The following PRR5L variants were observed in gnomAD, a reference collection of about 807,000 sequenced individuals.
PRR5L encodes the protein proline-rich protein 5-like.
PRR5L carries 21 observed loss-of-function variants against 36.4 expected under a neutral mutation model. The ratio of observed to expected loss-of-function variants is 0.58; its 90% CI spans 0.41 to 0.83. The LOEUF is 0.83. Ranked by LOEUF, PRR5L falls within the 40% of genes least tolerant of loss-of-function variation. The pLI is 0.00. For missense variants in PRR5L, 381 were observed against 473.3 expected (o/e 0.80, Z 1.81); for synonymous variants, 188 against 197.0 (o/e 0.95, Z 0.38).
chr11:36,412,781 A>G (rs1317142459), intron 3 of PRR5L, among the ~76,000 whole-genome samples: 1 of 152,166 alleles, frequency 6.6e-6, no homozygotes, highest in African/African-American at 2.4e-5. Flanking sequence ...CCTGTGCCCT[A>G]TAAGAGAGTG....
At chr11:36,350,960 ATT>A (rs1565406483) in intron 1 of PRR5L, among the ~76,000 whole-genome samples, 3 of 91,628 alleles carry the variant, frequency 3.3e-5, no homozygotes, top group African/African-American at 1.6e-4. Flanking sequence ...ATTTATATAT[ATT>A]TATATATTTA....
At chr11:36,446,789 C>T (rs1189274876) in intron 7 of PRR5L, among the ~76,000 whole-genome samples, 1 of 152,148 alleles carries the variant, frequency 6.6e-6, no homozygotes, top group Non-Finnish European at 1.5e-5. Flanking sequence ...CTAGCTTAAG[C>T]AGATGAGGAA....
chr11:36,325,280 T>C (rs1170728858), intron 1 of PRR5L, among the ~76,000 whole-genome samples: 1 of 152,208 alleles, frequency 6.6e-6, no homozygotes, highest in East Asian at 1.9e-4. Flanking sequence ...GGAGCAGCAA[T>C]GGGCGCCTCG....
chr11:36,460,056 G>A (rs149686007), intron 8 of PRR5L, among the ~76,000 whole-genome samples: 1 of 152,266 alleles, frequency 6.6e-6, no homozygotes, highest in African/African-American at 2.4e-5. Flanking sequence ...TAGATATTTT[G>A]ATGTAGCATT....
intron 6 of PRR5L, among the ~76,000 whole-genome samples, chr11:36,445,387 C>G (rs781501642): frequency 2.0e-5 from 3 of 152,118 alleles, no homozygotes; most frequent in Non-Finnish European, 4.4e-5. Flanking sequence ...AAACCCTGCT[C>G]TACTTTGGGT....
At chr11:36,351,841 C>G (rs1000783941) in intron 1 of PRR5L, among the ~76,000 whole-genome samples, 6 of 143,792 alleles carry the variant, frequency 4.2e-5, no homozygotes, top group Admixed American at 3.8e-4. Flanking sequence ...GGCATTTGGA[C>G]TAGTTCCACA....
chr11:36,411,326 G>T (rs936127086), intron 3 of PRR5L, among the ~76,000 whole-genome samples: 5 of 152,316 alleles, frequency 3.3e-5, no homozygotes, highest in African/African-American at 7.2e-5. Context: ...GGGAAGTTGA[G>T]TTGACAAGAC....
At position 36,349,991 on chromosome 11, in the gene PRR5L, G is replaced by A. The variant is rs549919694; in HGVS notation, c.-125-51006G>A. The A allele has an allele frequency of 4.6e-5, 7 of 152,204 alleles. No individual in the cohort carries two copies. In the East Asian group the frequency reaches 1.4e-3, roughly 29 times the overall value. 9.4% of individuals were successfully genotyped at this position (152,204 alleles called of 1,614,324 possible). A position where few individuals can be genotyped will look rare whatever the true frequency, so the allele number is the denominator to read the frequency against. ...GGAGGATGAGAAGCTCTTCTACAAG[G>A]AGGAGGAAAACATACCTTAGGCTAT... On this transcript the variant is annotated intron_variant, in intron 1 of 8. Coordinates refer to ENST00000530639, the MANE Select transcript of PRR5L (RefSeq NM_001160167.2).
intron 1 of PRR5L, among the ~76,000 whole-genome samples, chr11:36,345,560 A>G (rs1373341130): frequency 6.6e-6 from 1 of 152,180 alleles, no homozygotes; most frequent in Non-Finnish European, 1.5e-5. Flanking sequence ...AGCTTTCAGG[A>G]GTCTGTGATC....
At chr11:36,370,347 T>G (rs1237063790) in intron 1 of PRR5L, among the ~76,000 whole-genome samples, 1 of 152,224 alleles carries the variant, frequency 6.6e-6, no homozygotes, top group African/African-American at 2.4e-5. Context: ...AGCATTTCTC[T>G]TCTTTTTTTC....
intron 1 of PRR5L, among the ~76,000 whole-genome samples, chr11:36,400,657 C>G (rs1472348323): frequency 6.6e-6 from 1 of 152,210 alleles, no homozygotes; most frequent in African/African-American, 2.4e-5. Flanking sequence ...AAATCCATCT[C>G]TTACTGCACA....
intron 6 of PRR5L, among the ~76,000 whole-genome samples, chr11:36,441,501 C>T (rs1858721827): frequency 6.6e-6 from 1 of 152,250 alleles, no homozygotes; most frequent in African/African-American, 2.4e-5. Flanking sequence ...AGCTCTGCCC[C>T]TGTGGCTTTG....
chr11:36,335,054 G>A lies in PRR5L; in HGVS notation c.-126+38616G>A, dbSNP rs529427852. 1.2e-3 allele frequency among the ~76,000 whole-genome samples: 186 copies of A among 151,942 alleles called. 1 individual carries two copies. Among genetic ancestry groups the A allele is most frequent in the Non-Finnish European group, 2.3e-3 (157 of 67,990 alleles). ...TTTGATCTGTACCACCACCAAAAATGTTTATTTAAGTCTCCATCTATGTTT... is the reference window on the plus strand; with the variant it reads ...TTTGATCTGTACCACCACCAAAAATATTTATTTAAGTCTCCATCTATGTTT... On this transcript the variant is annotated intron_variant, in intron 1 of 8. Coordinates refer to ENST00000530639, the MANE Select transcript of PRR5L (RefSeq NM_001160167.2).
intron 1 of PRR5L, among the ~76,000 whole-genome samples, chr11:36,381,110 G>T (rs1472746324): frequency 6.6e-6 from 1 of 152,104 alleles, no homozygotes; most frequent in Non-Finnish European, 1.5e-5. Context: ...TCAATTTTGA[G>T]GTGCGAATAT....
intron 1 of PRR5L, among the ~76,000 whole-genome samples, chr11:36,378,974 G>A (rs1451908903): frequency 6.6e-6 from 1 of 152,100 alleles, no homozygotes; most frequent in African/African-American, 2.4e-5. Context: ...CTCCATTGTT[G>A]ATTAGCTCAC....
At chr11:36,432,332 A>C (rs1424112372) in intron 5 of PRR5L, among the ~76,000 whole-genome samples, 3 of 152,120 alleles carry the variant, frequency 2.0e-5, no homozygotes, top group Non-Finnish European at 2.9e-5. Context: ...AGAAGAGAGG[A>C]GTCCTGTCCA....
intron 4 of PRR5L, chr11:36,426,191 A>G (rs1858378553): frequency 6.6e-6 from 1 of 152,264 alleles, no homozygotes. Flanking sequence ...GGGCAAGGAC[A>G]TAGGACACCT....
chr11:36,319,128 C>T (rs566540614), intron 1 of PRR5L, among the ~76,000 whole-genome samples: 1 of 152,314 alleles, frequency 6.6e-6, no homozygotes, highest in African/African-American at 2.4e-5. Flanking sequence ...AGCAAGCACT[C>T]TGAGCTCCTG....
At chr11:36,317,715 G>A (rs1301662354) in intron 1 of PRR5L, among the ~76,000 whole-genome samples, 1 of 152,170 alleles carries the variant, frequency 6.6e-6, no homozygotes, top group African/African-American at 2.4e-5. Flanking sequence ...GCAGTGTGAT[G>A]TGAGTTCCAG....
Sources: allele counts gnomAD v4.1 joint callset (sites outside exome capture counted in the v4.1 genomes callset), GRCh38; gene constraint gnomAD v4.1.1; transcripts MANE v1.5; gene names NCBI Gene and HGNC (gene_info 2026-07-23, HGNC 2026-07-21).